Variants in CELF2 observed in about 807,000 individuals in gnomAD.
CELF2 encodes CUG triplet repeat RNA-binding protein 2.
In CELF2, 8 loss-of-function variants were observed where a neutral mutation model predicts 62.6. The ratio of observed to expected loss-of-function variants is 0.13; its 90% CI spans 0.07 to 0.23. The LOEUF (loss-of-function observed/expected upper bound fraction) is 0.23, where lower values mean the gene tolerates loss of function less well. Ranked by LOEUF, CELF2 falls within the 10% of genes least tolerant of loss-of-function variation. The pLI is 1.00. For synonymous variants in CELF2, 258 were observed against 250.0 expected (o/e 1.03, Z -0.30); for missense variants, 333 against 671.0 (o/e 0.50, Z 5.56).
chr10:11,154,668 T>C lies in CELF2; in HGVS notation c.75-10818T>C, dbSNP rs141182995. Among the ~76,000 whole-genome samples, 4 of 152,374 alleles carry C rather than the reference T, an allele frequency of 2.6e-5. No individual in the cohort carries two copies. In the East Asian group the frequency reaches 7.7e-4, roughly 29 times the overall value. ...AGGAAATGTACACTTGTCCCTTTAA[T>C]GATATCACTGTCATCTCTTTGGGGC... On this transcript the variant is annotated intron_variant, in intron 1 of 12. Transcript: ENST00000633077.
At chr10:10,858,880 C>T (rs1333659813) in intron 1 of CELF2, among the ~76,000 whole-genome samples, 1 of 152,124 alleles carries the variant, frequency 6.6e-6, no homozygotes, top group Non-Finnish European at 1.5e-5. Flanking sequence ...AGGATTATAA[C>T]TTTTCTCACA....
chr10:10,640,340 G>T, the CELF2 span, among the ~76,000 whole-genome samples: 5 of 152,084 alleles, frequency 3.3e-5, no homozygotes, highest in African/African-American at 9.7e-5. Flanking sequence ...TCATGCTGTT[G>T]TTCCTGCTGT....
intron 2 of CELF2, among the ~76,000 whole-genome samples, chr10:10,977,971 A>G (rs936023560): frequency 6.6e-6 from 1 of 152,104 alleles, no homozygotes; most frequent in Non-Finnish European, 1.5e-5. Context: ...TTGTGCTATT[A>G]CATAGAAGTT....
chr10:10,724,671 G>A, the CELF2 span, among the ~76,000 whole-genome samples: 96,726 of 136,420 alleles, frequency 0.71, 35,058 homozygotes, highest in South Asian at 0.83. Context: ...AAAAAAAAAA[G>A]AAAAAAGAAA....
At chr10:10,751,250 T>A in the CELF2 span, among the ~76,000 whole-genome samples, 1 of 152,194 alleles carries the variant, frequency 6.6e-6, no homozygotes, top group South Asian at 2.1e-4. Flanking sequence ...AAAATAAGTA[T>A]CTCTGCCCTA....
In CELF2 at chr10:11,018,073, C is replaced by G. The variant is rs762612885; in HGVS notation, c.-17C>G. 1 of 1,446,214 alleles carries G rather than the reference C, an allele frequency of 6.9e-7. No individual in the cohort carries two copies. Among genetic ancestry groups the G allele is most frequent in the East Asian group, 3.3e-5 (1 of 30,416 alleles). The allele number at this position is 1,446,214 out of a possible 1,614,324, so 89.6% of individuals were successfully genotyped here. On this transcript the variant is annotated 5_prime_UTR_variant, in exon 1 of 13. Coordinates refer to ENST00000633077, the MANE Select transcript of CELF2 (RefSeq NM_001326342.2). ...CAGAGCCGCCCCCCGCCGCTGCCGC[C>G]GCGTGCGCCCGCGAACATGACTTCT...
the CELF2 span, among the ~76,000 whole-genome samples, chr10:10,749,745 A>C: frequency 2.6e-5 from 4 of 152,238 alleles, no homozygotes; most frequent in Admixed American, 6.5e-5. Flanking sequence ...ACTGGAAGCA[A>C]ATTAGTAAAA....
At chr10:11,276,298 C>T (rs1397931062) in intron 8 of CELF2, among the ~76,000 whole-genome samples, 2 of 152,172 alleles carry the variant, frequency 1.3e-5, no homozygotes, top group Non-Finnish European at 1.5e-5. Flanking sequence ...AGTAAAAATA[C>T]TGCTGAATTC....
intron 5 of CELF2, among the ~76,000 whole-genome samples, chr10:11,258,589 A>G (rs1188918300): frequency 1.3e-5 from 2 of 152,322 alleles, no homozygotes; most frequent in Middle Eastern, 3.4e-3. Flanking sequence ...TCCCTTGACA[A>G]TGCCACACAC....
At chr10:11,100,701 G>T (rs2051339540) in intron 1 of CELF2, among the ~76,000 whole-genome samples, 1 of 152,110 alleles carries the variant, frequency 6.6e-6, no homozygotes, top group South Asian at 2.1e-4. Context: ...TCCACAAAGA[G>T]TTCCCGTAGC....
chr10:11,100,758 T>C (rs762432270), intron 1 of CELF2, among the ~76,000 whole-genome samples: 3 of 152,144 alleles, frequency 2.0e-5, no homozygotes, highest in Non-Finnish European at 2.9e-5. Flanking sequence ...ATGTTTAACA[T>C]TGCAAGCCCA....
At chr10:10,595,545 A>G in the CELF2 span, among the ~76,000 whole-genome samples, 1 of 152,138 alleles carries the variant, frequency 6.6e-6, no homozygotes, top group African/African-American at 2.4e-5. Context: ...TTTCCATAAG[A>G]CAGGACTACT....
chr10:10,492,419 C>T, the CELF2 span, among the ~76,000 whole-genome samples: 1 of 152,096 alleles, frequency 6.6e-6, no homozygotes, highest in African/African-American at 2.4e-5. Flanking sequence ...ATGTAACAAA[C>T]CTGCACGTTG....
chr10:10,937,827 G>C (rs546568360), intron 2 of CELF2, among the ~76,000 whole-genome samples: 2 of 152,262 alleles, frequency 1.3e-5, no homozygotes, highest in South Asian at 4.1e-4. Flanking sequence ...TAGCATGATA[G>C]TGTATGAATG....
intron 2 of CELF2, among the ~76,000 whole-genome samples, chr10:10,984,164 G>A (rs984890129): frequency 2.0e-5 from 3 of 152,186 alleles, no homozygotes; most frequent in African/African-American, 7.2e-5. Flanking sequence ...TCACAGATGA[G>A]GAAATAGGTT....
the CELF2 span, among the ~76,000 whole-genome samples, chr10:10,512,998 A>G: frequency 1.1e-3 from 163 of 152,306 alleles, 1 homozygote; most frequent in East Asian, 0.024. Context: ...GATACATTCA[A>G]TACCATGAAA....
At chr10:11,308,896 G>A (rs2094418534) in intron 9 of CELF2, among the ~76,000 whole-genome samples, 1 of 152,218 alleles carries the variant, frequency 6.6e-6, no homozygotes. Flanking sequence ...TTACTTGCAT[G>A]TACTGTGTTG....
chr10:11,219,458 T>C (rs2064181364), intron 3 of CELF2, among the ~76,000 whole-genome samples: 1 of 152,242 alleles, frequency 6.6e-6, no homozygotes, highest in South Asian at 2.1e-4. Flanking sequence ...ATTTGGGAGC[T>C]GGAAAAGTTG....
At chr10:10,760,532 G>A in the CELF2 span, among the ~76,000 whole-genome samples, 1 of 152,230 alleles carries the variant, frequency 6.6e-6, no homozygotes, top group Admixed American at 6.5e-5. Flanking sequence ...ACCATCTTGT[G>A]TGGGAGATGG....
Sources: allele counts gnomAD v4.1 joint callset (sites outside exome capture counted in the v4.1 genomes callset), GRCh38; gene constraint gnomAD v4.1.1; transcripts MANE v1.5; gene names NCBI Gene and HGNC (gene_info 2026-07-23, HGNC 2026-07-21).